Variants in TRIO observed in about 807,000 individuals in gnomAD.
TRIO encodes the protein trio Rho guanine nucleotide exchange factor.
In TRIO, 58 loss-of-function variants were observed where a neutral mutation model predicts 351.9. The observed-to-expected ratio is 0.16, with a 90% CI of 0.13 to 0.21. TRIO has a LOEUF of 0.21. Ranked by LOEUF, TRIO falls within the 10% of genes least tolerant of loss-of-function variation. The pLI is 1.00. For missense variants in TRIO, 3,201 were observed against 4,027.8 expected (o/e 0.79, Z 5.56); for synonymous variants, 1,758 against 1,595.7 (o/e 1.10, Z -2.42).
intron 13 of TRIO, among the ~76,000 whole-genome samples, chr5:14,362,891 C>A (rs1202266231): frequency 1.3e-5 from 2 of 152,004 alleles, no homozygotes; most frequent in African/African-American, 4.8e-5. Context: ...ATTATTCTTT[C>A]TGCATTTAAT....
intron 11 of TRIO, among the ~76,000 whole-genome samples, chr5:14,341,337 G>C (rs1392103971): frequency 6.6e-6 from 1 of 152,208 alleles, no homozygotes; most frequent in East Asian, 1.9e-4. Flanking sequence ...TGTGCAAGGA[G>C]GTGATACCTA....
chr5:14,279,718 C>T (rs1735827280), intron 2 of TRIO, among the ~76,000 whole-genome samples: 1 of 152,188 alleles, frequency 6.6e-6, no homozygotes, highest in African/African-American at 2.4e-5. Context: ...TTTCTAAAAT[C>T]CTTAAGCTAA....
intron 7 of TRIO, among the ~76,000 whole-genome samples, chr5:14,297,772 G>A (rs1283450432): frequency 6.6e-6 from 1 of 152,218 alleles, no homozygotes; most frequent in Non-Finnish European, 1.5e-5. Context: ...TAGCTGCACG[G>A]CTATGGAGGG....
At chr5:14,480,102 G>C in intron 43 of TRIO, 91 bp downstream of exon 43, 2 of 1,186,220 alleles carry the variant, frequency 1.7e-6, no homozygotes, top group Non-Finnish European at 2.5e-6. Flanking sequence ...TGGTAGGACA[G>C]GGGAATCATC....
intron 9 of TRIO, among the ~76,000 whole-genome samples, chr5:14,329,239 T>C (rs767500363): frequency 5.3e-5 from 8 of 152,380 alleles, no homozygotes; most frequent in Non-Finnish European, 1.0e-4. Context: ...CTGTCTTTGC[T>C]GTGTGTGCCC....
chr5:14,257,842 G>A (rs1475637063), intron 1 of TRIO, among the ~76,000 whole-genome samples: 2 of 152,134 alleles, frequency 1.3e-5, no homozygotes, highest in Non-Finnish European at 1.5e-5. Context: ...AGGTAAATGG[G>A]CAAAAATTCC....
chr5:14,390,779 TAG>T (rs1317833958), intron 26 of TRIO, 120 bp from the exon 27 acceptor site: 14 of 745,756 alleles, frequency 1.9e-5, no homozygotes, highest in Non-Finnish European at 2.3e-5. Flanking sequence ...CTTTTTAAAA[TAG>T]AGTCTCTTCA....
intron 34 of TRIO, among the ~76,000 whole-genome samples, chr5:14,421,491 C>T (rs1175083197): frequency 6.6e-6 from 1 of 150,982 alleles, no homozygotes; most frequent in Admixed American, 6.6e-5. Flanking sequence ...GTAATCCCAG[C>T]TACTCGAGAG....
At chr5:14,390,752 C>T in intron 26 of TRIO, 149 bp from the exon 27 acceptor site, 1 of 667,484 alleles carries the variant, frequency 1.5e-6, no homozygotes, top group East Asian at 3.0e-5. Flanking sequence ...CGATGTGTTT[C>T]TTATTTCAGT....
intron 21 of TRIO, 177 bp from the exon 22 acceptor site, chr5:14,387,261 T>G: frequency 3.5e-6 from 2 of 565,656 alleles, no homozygotes; most frequent in South Asian, 2.9e-5. Context: ...TGAGGAGAGA[T>G]AGCTGGTCAG....
intron 1 of TRIO, among the ~76,000 whole-genome samples, chr5:14,197,210 G>A (rs961117608): frequency 3.3e-5 from 5 of 152,162 alleles, no homozygotes; most frequent in Middle Eastern, 3.2e-3. Context: ...GTGACTTGCT[G>A]TGAGTCCCCT....
chr5:14,260,952 G>C (rs1274277433), intron 1 of TRIO, among the ~76,000 whole-genome samples: 1 of 152,204 alleles, frequency 6.6e-6, no homozygotes, highest in Non-Finnish European at 1.5e-5. Flanking sequence ...GTAGGCATTT[G>C]TTGGTGAGCA....
intron 1 of TRIO, among the ~76,000 whole-genome samples, chr5:14,163,552 CT>C (rs1352600961): frequency 6.6e-6 from 1 of 152,124 alleles, no homozygotes; most frequent in African/African-American, 2.4e-5. Context: ...TTTTTTCTGT[CT>C]CTCTATTCTA....
rs146717278 is a variant in TRIO at position 14,474,666 on chromosome 5, T to C, written c.6083+569T>C. Among the ~76,000 whole-genome samples, 264 of 152,278 alleles carry C rather than the reference T, an allele frequency of 1.7e-3. 1 individual carries two copies. The highest frequency in any genetic ancestry group is 2.7e-3 in the Non-Finnish European group (185 of 68,014). On this transcript the variant is annotated intron_variant, in intron 40 of 56. Transcript: ENST00000344204. The stretch of plus-strand genomic sequence containing the variant: ...CACTCATTTGTCCAATTATTTTATG[T>C]TATTTTTATTTTTTAGAGACAGGGT...
At position 14,417,577 on chromosome 5, in the gene TRIO, C is replaced by T. The variant is rs145872802; in HGVS notation, c.4960-2201C>T. 2.9e-3 allele frequency among the ~76,000 whole-genome samples: 445 copies of T among 152,282 alleles called. 2 individuals are homozygous for T. The highest frequency in any genetic ancestry group is 0.01 in the African/African-American group (420 of 41,560). Reference sequence around the variant, plus strand: ...GTGGACTCCCAACAGGAATGTTTCCCAGCAGGAGGCTGGGCCATTTCCTCC... The same window carrying T: ...GTGGACTCCCAACAGGAATGTTTCCTAGCAGGAGGCTGGGCCATTTCCTCC... On this transcript the variant is annotated intron_variant, in intron 33 of 56. Coordinates refer to ENST00000344204, the MANE Select transcript of TRIO (RefSeq NM_007118.4).
At chr5:14,405,323 G>C (rs116187474) in intron 31 of TRIO, among the ~76,000 whole-genome samples, 1 of 152,152 alleles carries the variant, frequency 6.6e-6, no homozygotes, top group South Asian at 2.1e-4. Flanking sequence ...TCTCCCACCC[G>C]CAGAGTCCTT....
chr5:14,302,726 T>C (rs1304948124), intron 7 of TRIO, among the ~76,000 whole-genome samples: 1 of 152,256 alleles, frequency 6.6e-6, no homozygotes, highest in Non-Finnish European at 1.5e-5. Context: ...AAGGGAATTA[T>C]AGCACATTTC....
chr5:14,434,360 T>C (rs1751417999), intron 34 of TRIO, among the ~76,000 whole-genome samples: 1 of 152,216 alleles, frequency 6.6e-6, no homozygotes, highest in Admixed American at 6.5e-5. Context: ...TTTACAGATC[T>C]TTAATTTGTC....
chr5:14,377,921 G>A (rs958057386), intron 19 of TRIO, 91 bp from the exon 20 acceptor site: 6 of 953,902 alleles, frequency 6.3e-6, no homozygotes, highest in Admixed American at 4.1e-5. Context: ...AATGGCATTT[G>A]CATAAAAGTC....
Sources: gnomAD v4.1 joint callset for allele counts (sites outside exome capture counted in the v4.1 genomes callset) on GRCh38, gnomAD v4.1.1 for gene constraint, MANE v1.5 for transcripts, NCBI Gene and HGNC (gene_info 2026-07-23, HGNC 2026-07-21) for gene names.